TRDN: variants seen among roughly 807,000 people sequenced by gnomAD.
TRDN encodes triadin in skeletal muscle.
Under a neutral mutation model 149.7 loss-of-function variants are expected in TRDN, and 161 were observed. That is an observed-to-expected ratio of 1.08 (90% CI 0.95 to 1.23). The LOEUF is 1.23. Ranked by LOEUF, TRDN falls within the 50% of genes most tolerant of loss-of-function variation. The pLI, the probability that TRDN is intolerant of heterozygous loss-of-function variation, is 0.00. For missense variants in TRDN, 896 were observed against 823.5 expected, an observed-to-expected ratio of 1.09 and a Z score of -1.08; for synonymous variants, 294 against 250.5, an observed-to-expected ratio of 1.17 and a Z score of -1.64.
intron 10 of TRDN, among the ~76,000 whole-genome samples, chr6:123,451,725 G>A (rs138699884): frequency 0.014 from 2,167 of 152,080 alleles, 58 homozygotes; most frequent in African/African-American, 0.048. Context: ...GAGAAATAAG[G>A]AATTCTCCCC....
At chr6:123,506,068 G>A (rs1778908600) in intron 7 of TRDN, among the ~76,000 whole-genome samples, 1 of 152,090 alleles carries the variant, frequency 6.6e-6, no homozygotes, top group Non-Finnish European at 1.5e-5. Context: ...ACTTTAAATT[G>A]AAATCATTCC....
In TRDN at chr6:123,534,419, A is replaced by T. The variant is rs564576813; in HGVS notation, c.425-3854T>A. Among the ~76,000 whole-genome samples the T allele has an allele frequency of 7.2e-5, 11 of 152,236 alleles. No individual in the cohort carries two copies. The East Asian group carries it at 2.1e-3, about 29-fold the overall frequency. On this transcript the variant is annotated intron_variant, in intron 4 of 40. Coordinates refer to ENST00000334268, the MANE Select transcript of TRDN (RefSeq NM_006073.4). ...CTGGATTCCATCACTGGTGTCACTG[A>T]CTGTTGATATCTGTTGTCAGGAGAA...
At chr6:123,610,950 C>A (rs1050469513) in intron 1 of TRDN, among the ~76,000 whole-genome samples, 1 of 152,178 alleles carries the variant, frequency 6.6e-6, no homozygotes, top group African/African-American at 2.4e-5. Flanking sequence ...CACACCCAGA[C>A]TCCTGACACA....
At chr6:123,274,245 C>T (rs1777297823) in intron 27 of TRDN, among the ~76,000 whole-genome samples, 1 of 151,994 alleles carries the variant, frequency 6.6e-6, no homozygotes, top group African/African-American at 2.4e-5. Context: ...CCCTTCAAAC[C>T]ACAATAGTCT....
At chr6:123,398,256 C>T (rs1162628852) in intron 12 of TRDN, among the ~76,000 whole-genome samples, 3 of 152,162 alleles carry the variant, frequency 2.0e-5, no homozygotes, top group Admixed American at 6.5e-5. Context: ...TCACCTGCCT[C>T]GGCCTCCCAA....
At chr6:123,337,711 G>T in intron 21 of TRDN, 42 bp from the exon 22 acceptor site, 1 of 1,254,578 alleles carries the variant, frequency 8.0e-7, no homozygotes, top group Non-Finnish European at 1.1e-6. Context: ...CAAGGAATAA[G>T]AGAGGAAAAA....
At position 123,439,238 on chromosome 6, in the gene TRDN, C is replaced by T. The variant is rs1048753560; in HGVS notation, c.932-235G>A. 1.1e-4 allele frequency among the ~76,000 whole-genome samples: 17 copies of T among 152,204 alleles called. 1 individual carries two copies. The South Asian group carries it at 2.7e-3, about 24-fold the overall frequency. The stretch of plus-strand genomic sequence containing the variant: ...TGCCTGGCTCACAGTAAATGTGTAA[C>T]GTTGTAGACTGCTAATACTGTTTAC... On this transcript the variant is annotated intron_variant, in intron 10 of 40. Transcript: ENST00000334268.
intron 23 of TRDN, among the ~76,000 whole-genome samples, chr6:123,322,641 T>G (rs999612200): frequency 1.4e-5 from 2 of 147,236 alleles, no homozygotes; most frequent in African/African-American, 4.9e-5. Context: ...ATTATTATTA[T>G]TATTATTATT....
rs1554256513 is a variant in TRDN, at chr6:123,551,220, A to ATATATATATATCCCT, written c.233-2609_233-2608insAGGGATATATATATA. ...ATTTTGCAGATATATATATATATATATATTGCCTGGTTCTAAAATTGCCAA... is the reference window on the plus strand; with the variant it reads ...ATTTTGCAGATATATATATATATATATATATATATATCCCTTATTGCCTGGTTCTAAAATTGCCAA... On this transcript the variant is annotated intron_variant, in intron 2 of 40. Coordinates refer to ENST00000334268, the MANE Select transcript of TRDN (RefSeq NM_006073.4). 1.3e-4 allele frequency among the ~76,000 whole-genome samples: 17 copies of ATATATATATATCCCT among 129,276 alleles called. 1 individual carries two copies. The highest frequency in any genetic ancestry group is 5.0e-4 in the Admixed American group (6 of 12,108). 84.8% of individuals were successfully genotyped at this position (129,276 alleles called of 152,430 possible). A position where few individuals can be genotyped will look rare whatever the true frequency, so the allele number is the denominator to read the frequency against.
intron 4 of TRDN, among the ~76,000 whole-genome samples, chr6:123,544,619 GT>G (rs986573500): frequency 2.0e-5 from 3 of 151,996 alleles, no homozygotes; most frequent in African/African-American, 7.2e-5. Flanking sequence ...TTCCGAAAAT[GT>G]GATTTATAAC....
intron 16 of TRDN, among the ~76,000 whole-genome samples, chr6:123,380,886 G>A (rs1781691521): frequency 6.6e-6 from 1 of 152,020 alleles, no homozygotes. Context: ...CTATTAGACA[G>A]AGCTCATAGT....
At chr6:123,408,055 C>T (rs540941875) in intron 12 of TRDN, among the ~76,000 whole-genome samples, 26 of 152,148 alleles carry the variant, frequency 1.7e-4, no homozygotes, top group Non-Finnish European at 3.2e-4. Flanking sequence ...TCCTCAGTTT[C>T]CCAAATATGG....
At chr6:123,219,424 A>G (rs910909307) in intron 40 of TRDN, among the ~76,000 whole-genome samples, 10 of 151,980 alleles carry the variant, frequency 6.6e-5, no homozygotes, top group South Asian at 2.1e-4. Flanking sequence ...GGGTGCCTAC[A>G]AACTTCCAGT....
At chr6:123,284,091 C>G (rs1048187264) in intron 24 of TRDN, among the ~76,000 whole-genome samples, 3 of 134,080 alleles carry the variant, frequency 2.2e-5, no homozygotes, top group Admixed American at 1.5e-4. Flanking sequence ...TGCCCCCCCC[C>G]CAAAAATTGG....
At chr6:123,612,157 G>A (rs1291366361) in intron 1 of TRDN, among the ~76,000 whole-genome samples, 1 of 150,078 alleles carries the variant, frequency 6.7e-6, no homozygotes, top group African/African-American at 2.5e-5. Context: ...TTGGGAGGCT[G>A]AGGTGGGTGT....
intron 15 of TRDN, among the ~76,000 whole-genome samples, chr6:123,381,762 C>T (rs1220027146): frequency 1.3e-5 from 2 of 151,944 alleles, no homozygotes; most frequent in Admixed American, 6.6e-5. Context: ...AAATCAGTTC[C>T]TAATTGATGC....
intron 23 of TRDN, among the ~76,000 whole-genome samples, chr6:123,327,275 A>C (rs1257840492): frequency 6.6e-6 from 1 of 151,930 alleles, no homozygotes; most frequent in East Asian, 1.9e-4. Context: ...AATTAAAGCA[A>C]TTCTATAAAA....
chr6:123,363,468 T>G (rs1780973852), intron 20 of TRDN, among the ~76,000 whole-genome samples: 1 of 152,206 alleles, frequency 6.6e-6, no homozygotes, highest in South Asian at 2.1e-4. Context: ...AAAAGGACAC[T>G]TATTTCTGTT....
chr6:123,427,615 G>C lies in TRDN; in HGVS notation c.1051+10448C>G, dbSNP rs367620959. Among the ~76,000 whole-genome samples, 5 of 152,040 alleles carry C rather than the reference G, an allele frequency of 3.3e-5. No homozygotes were observed. In the East Asian group the frequency reaches 5.8e-4, roughly 18 times the overall value. On this transcript the variant is annotated intron_variant, in intron 12 of 40. Transcript: ENST00000334268. ...TTGTCTACTTCTAACTTCCACCATG[G>C]AGTCCTCATTCTTAGGGATAATAAA...
Sources: gnomAD v4.1 joint callset for allele counts (sites outside exome capture counted in the v4.1 genomes callset) on GRCh38, gnomAD v4.1.1 for gene constraint, MANE v1.5 for transcripts, NCBI Gene and HGNC (gene_info 2026-07-23, HGNC 2026-07-21) for gene names.